The following STPG2 variants were observed in gnomAD, a reference collection of about 807,000 sequenced individuals.
The protein encoded by STPG2 is sperm tail PG-rich repeat containing 2.
A neutral mutation model predicts 54.2 loss-of-function variants in STPG2; 56 were observed. That is an observed-to-expected ratio of 1.03 (90% CI 0.83 to 1.29). The LOEUF is 1.29. Ranked by LOEUF, STPG2 falls within the 50% of genes most tolerant of loss-of-function variation. The probability of loss-of-function intolerance (pLI) is 0.00; values close to 1 mark genes in which losing one functional copy is unlikely to be tolerated. For synonymous variants in STPG2, 200 were observed against 181.8 expected (o/e 1.10, Z -0.81); for missense variants, 596 against 544.9 (o/e 1.09, Z -0.93).
intron 8 of STPG2, among the ~76,000 whole-genome samples, chr4:97,931,227 A>G (rs1325602266): frequency 1.3e-5 from 2 of 152,340 alleles, no homozygotes; most frequent in South Asian, 2.1e-4. Flanking sequence ...TATGCTGAAT[A>G]AAAGTGGTGA....
chr4:97,912,808 T>C (rs1026297684), intron 8 of STPG2, among the ~76,000 whole-genome samples: 1 of 152,240 alleles, frequency 6.6e-6, no homozygotes, highest in Non-Finnish European at 1.5e-5. Context: ...TGGCATTTTG[T>C]AAAGTTCTCT....
At chr4:97,732,684 C>T (rs1412815693) in intron 9 of STPG2, among the ~76,000 whole-genome samples, 1 of 151,834 alleles carries the variant, frequency 6.6e-6, no homozygotes, top group Non-Finnish European at 1.5e-5. Flanking sequence ...TTGCAAGCTA[C>T]GCATCTGACA....
chr4:97,870,888 C>T (rs955982319), intron 8 of STPG2, among the ~76,000 whole-genome samples: 2 of 150,970 alleles, frequency 1.3e-5, no homozygotes, highest in African/African-American at 2.4e-5. Flanking sequence ...AAAAAATTCA[C>T]CCCCAAAAAA....
intron 5 of STPG2, among the ~76,000 whole-genome samples, chr4:98,023,258 C>G (rs928299181): frequency 3.3e-5 from 5 of 152,190 alleles, no homozygotes; most frequent in Non-Finnish European, 5.9e-5. Context: ...AGCTGCAGGT[C>G]TGTTGGAGTT....
intron 7 of STPG2, among the ~76,000 whole-genome samples, chr4:97,970,743 G>C (rs564556117): frequency 1.3e-5 from 2 of 152,152 alleles, no homozygotes; most frequent in African/African-American, 4.8e-5. Context: ...TCAGGACATA[G>C]GCATGGGCAA....
rs543340829 is a variant in STPG2 at position 97,561,772 on chromosome 4, G to A, written c.1321-2655C>T. 4.1e-3 allele frequency among the ~76,000 whole-genome samples: 631 copies of A among 152,108 alleles called. 3 individuals are homozygous for A. The highest frequency in any genetic ancestry group is 0.02 in the South Asian group (98 of 4,806). On this transcript the variant is annotated intron_variant, in intron 10 of 10. Coordinates refer to ENST00000295268, the MANE Select transcript of STPG2 (RefSeq NM_174952.3). Reference sequence around the variant, plus strand: ...TTGTAGATATGCAGCGTTATTTCTGGGGGCTAAGTTCTGTTCCATTGATCT... The same window carrying A: ...TTGTAGATATGCAGCGTTATTTCTGAGGGCTAAGTTCTGTTCCATTGATCT...
At chr4:98,085,133 A>AGGTTT (rs1360537010) in intron 5 of STPG2, among the ~76,000 whole-genome samples, 1 of 152,032 alleles carries the variant, frequency 6.6e-6, no homozygotes, top group Non-Finnish European at 1.5e-5. Context: ...TTATGTTTTA[A>AGGTTT]GGTTTGGTTT....
At chr4:97,546,406 A>T (rs1731834366) in intron 4 of STPG2, among the ~76,000 whole-genome samples, 1 of 152,092 alleles carries the variant, frequency 6.6e-6, no homozygotes, top group African/African-American at 2.4e-5. Flanking sequence ...AATCCATTGT[A>T]AAGGGTATTA....
rs574203187 is a variant in STPG2, at chr4:98,143,357, G to A, written c.-207C>T. On this transcript the variant is annotated 5_prime_UTR_variant, in exon 1 of 11. Transcript: ENST00000295268. ...CCTCAAATCGATTTCTAGCTCTGTG[G>A]TAAAGTAGAGGGGTGAGCGACTAGA... 120 of 562,166 alleles carry A rather than the reference G, an allele frequency of 2.1e-4. 1 individual carries two copies. Among genetic ancestry groups the A allele is most frequent in the South Asian group, 1.1e-3 (52 of 47,714 alleles). The allele number at this position is 562,166 out of a possible 1,614,324, so 34.8% of individuals were successfully genotyped here. A position where few individuals can be genotyped will look rare whatever the true frequency, so the allele number is the denominator to read the frequency against.
intron 5 of STPG2, among the ~76,000 whole-genome samples, chr4:98,049,936 A>G (rs1329762511): frequency 6.6e-6 from 1 of 152,222 alleles, no homozygotes; most frequent in Non-Finnish European, 1.5e-5. Context: ...TACAAAAGAC[A>G]AAGAAACATA....
chr4:97,488,953 C>T (rs1350951453), intron 4 of STPG2, among the ~76,000 whole-genome samples: 1 of 151,682 alleles, frequency 6.6e-6, no homozygotes, highest in Non-Finnish European at 1.5e-5. Flanking sequence ...CCTGTGTCCC[C>T]ACTCAAATCT....
intron 5 of STPG2, among the ~76,000 whole-genome samples, chr4:98,020,554 CCT>C (rs1342214796): frequency 2.6e-5 from 4 of 151,970 alleles, no homozygotes; most frequent in Non-Finnish European, 4.4e-5. Context: ...GCGAGGATTC[CCT>C]CTTTTTCTAT....
chr4:97,972,502 T>C, intron 6 of STPG2, 62 bp from the exon 7 acceptor site: 1 of 988,278 alleles, frequency 1.0e-6, no homozygotes, highest in South Asian at 3.3e-5. Context: ...CCTTTTGAAC[T>C]GAGTAATTTT....
intron 10 of STPG2, among the ~76,000 whole-genome samples, chr4:97,690,441 A>C (rs1723328871): frequency 6.6e-6 from 1 of 152,180 alleles, no homozygotes; most frequent in South Asian, 2.1e-4. Flanking sequence ...AATCAATACT[A>C]ATATAGTACC....
intron 5 of STPG2, among the ~76,000 whole-genome samples, chr4:98,046,857 C>A (rs1186963688): frequency 6.6e-6 from 1 of 152,178 alleles, no homozygotes; most frequent in African/African-American, 2.4e-5. Context: ...TAGCTGGAGT[C>A]TTGGTTCTAT....
chr4:97,524,204 C>T (rs982672972), intron 4 of STPG2, among the ~76,000 whole-genome samples: 1 of 151,854 alleles, frequency 6.6e-6, no homozygotes, highest in Non-Finnish European at 1.5e-5. Context: ...TTAAGATAAA[C>T]TTGGCTACCT....
chr4:97,751,817 A>G (rs1213337299), intron 9 of STPG2, among the ~76,000 whole-genome samples: 2 of 151,764 alleles, frequency 1.3e-5, no homozygotes, highest in Non-Finnish European at 3.0e-5. Flanking sequence ...AGATTGTGAG[A>G]GGACTTTTAA....
At chr4:97,503,828 A>T (rs1433056987) in intron 4 of STPG2, among the ~76,000 whole-genome samples, 1 of 117,400 alleles carries the variant, frequency 8.5e-6, no homozygotes, top group Non-Finnish European at 1.7e-5. Flanking sequence ...ATATTTTAAA[A>T]ATATATTTTC....
chr4:97,989,816 CA>C (rs1734952712), intron 5 of STPG2, among the ~76,000 whole-genome samples: 1 of 152,200 alleles, frequency 6.6e-6, no homozygotes, highest in African/African-American at 2.4e-5. Flanking sequence ...CTTCACCTAC[CA>C]GGTGGGACAA....
Sources: gnomAD v4.1 joint callset for allele counts (sites outside exome capture counted in the v4.1 genomes callset) on GRCh38, gnomAD v4.1.1 for gene constraint, MANE v1.5 for transcripts, NCBI Gene and HGNC (gene_info 2026-07-23, HGNC 2026-07-21) for gene names.